The following C1orf21 variants were observed in gnomAD, a reference collection of about 807,000 sequenced individuals.
The protein encoded by C1orf21 is uncharacterized protein C1orf21.
In C1orf21, 3 loss-of-function variants were observed where a neutral mutation model predicts 18.7. That is an observed-to-expected ratio of 0.16 (90% CI 0.07 to 0.42). The LOEUF (loss-of-function observed/expected upper bound fraction) is 0.42, where lower values mean the gene tolerates loss of function less well. Among genes scored for constraint, C1orf21 ranks in the 10% least tolerant of loss-of-function variants. C1orf21 has a pLI of 0.99. For synonymous variants in C1orf21, 41 were observed against 46.4 expected (o/e 0.88, Z 0.47); for missense variants, 104 against 143.6 (o/e 0.72, Z 1.41).
intron 3 of C1orf21, among the ~76,000 whole-genome samples, chr1:184,589,279 G>A (rs12094070): frequency 6.6e-6 from 1 of 152,154 alleles, no homozygotes; most frequent in Non-Finnish European, 1.5e-5. Flanking sequence ...AGGAACTTAC[G>A]CCTTCAGTCC....
chr1:184,424,802 C>G (rs1162225394), intron 1 of C1orf21, among the ~76,000 whole-genome samples: 1 of 152,180 alleles, frequency 6.6e-6, no homozygotes, highest in Non-Finnish European at 1.5e-5. Flanking sequence ...CTGTCAACTT[C>G]AAAGTCAGTG....
chr1:184,605,239 A>G (rs1440929467), intron 5 of C1orf21, among the ~76,000 whole-genome samples: 2 of 152,024 alleles, frequency 1.3e-5, no homozygotes, highest in Admixed American at 6.5e-5. Context: ...GCAGTCATGG[A>G]TGTTGCTTCA....
At chr1:184,525,790 T>C (rs1658369302) in intron 3 of C1orf21, among the ~76,000 whole-genome samples, 1 of 152,178 alleles carries the variant, frequency 6.6e-6, no homozygotes, top group Non-Finnish European at 1.5e-5. Flanking sequence ...ACAGCAGGCT[T>C]TCTGCCAGAT....
At chr1:184,507,553 A>G in intron 2 of C1orf21, 35 bp from the exon 3 acceptor site, 1 of 1,549,096 alleles carries the variant, frequency 6.5e-7, no homozygotes. Context: ...TTGGGAAAAA[A>G]ATTATAAAAT....
At chr1:184,517,261 C>T (rs529887170) in intron 3 of C1orf21, among the ~76,000 whole-genome samples, 11 of 152,174 alleles carry the variant, frequency 7.2e-5, no homozygotes, top group African/African-American at 2.6e-4. Flanking sequence ...ATTTAGGAAC[C>T]CTCTACAAGT....
chr1:184,591,623 G>A (rs1027955297), intron 4 of C1orf21, among the ~76,000 whole-genome samples: 3 of 152,042 alleles, frequency 2.0e-5, no homozygotes, highest in East Asian at 1.9e-4. Flanking sequence ...TGGCTAACAC[G>A]ATGAAACCCC....
At chr1:184,493,448 T>C (rs1398930645) in intron 2 of C1orf21, among the ~76,000 whole-genome samples, 1 of 152,248 alleles carries the variant, frequency 6.6e-6, no homozygotes, top group East Asian at 1.9e-4. Context: ...ATTAATTCCT[T>C]CAAATTGCAA....
chr1:184,449,503 T>C (rs1223379818), intron 1 of C1orf21, among the ~76,000 whole-genome samples: 2 of 152,212 alleles, frequency 1.3e-5, no homozygotes, highest in Non-Finnish European at 2.9e-5. Context: ...AGTGCCGCAA[T>C]AAACATATAT....
intron 3 of C1orf21, chr1:184,567,793 A>C: frequency 4.1e-6 from 1 of 243,182 alleles, no homozygotes; most frequent in Non-Finnish European, 8.4e-6. Flanking sequence ...GCCATTTGAA[A>C]CTTCAAGGCC....
At chr1:184,480,448 G>A (rs780790160) in intron 2 of C1orf21, among the ~76,000 whole-genome samples, 4 of 152,134 alleles carry the variant, frequency 2.6e-5, no homozygotes, top group Non-Finnish European at 5.9e-5. Context: ...TCAATACGTT[G>A]TGCTTACATT....
chr1:184,514,517 G>A (rs1366982182), intron 3 of C1orf21, among the ~76,000 whole-genome samples: 1 of 152,030 alleles, frequency 6.6e-6, no homozygotes, highest in African/African-American at 2.4e-5. Context: ...ATCAGATTTT[G>A]GCCTGATTAC....
chr1:184,431,783 A>G (rs1388122747), intron 1 of C1orf21, among the ~76,000 whole-genome samples: 1 of 152,154 alleles, frequency 6.6e-6, no homozygotes, highest in Non-Finnish European at 1.5e-5. Context: ...GAAAAAAACA[A>G]ACAACCTCAT....
intron 3 of C1orf21, among the ~76,000 whole-genome samples, chr1:184,544,570 T>C (rs1393813629): frequency 1.3e-5 from 2 of 152,238 alleles, no homozygotes; most frequent in African/African-American, 4.8e-5. Flanking sequence ...TCTTTCAAAA[T>C]GTTTAATGCA....
chr1:184,573,400 T>A (rs1659142027), intron 3 of C1orf21, among the ~76,000 whole-genome samples: 1 of 152,204 alleles, frequency 6.6e-6, no homozygotes, highest in Non-Finnish European at 1.5e-5. Flanking sequence ...GTAACATTCC[T>A]ACGCGTGATG....
chr1:184,548,475 C>T (rs1390146319), intron 3 of C1orf21, among the ~76,000 whole-genome samples: 2 of 140,106 alleles, frequency 1.4e-5, no homozygotes, highest in Non-Finnish European at 3.0e-5. Flanking sequence ...AGTGCAGCGG[C>T]GCGATCTCCA....
chr1:184,585,451 G>T (rs891237577), intron 3 of C1orf21, among the ~76,000 whole-genome samples: 1 of 152,144 alleles, frequency 6.6e-6, no homozygotes, highest in Non-Finnish European at 1.5e-5. Flanking sequence ...AAATGTTGTG[G>T]CTTGTGTGCA....
intron 1 of C1orf21, among the ~76,000 whole-genome samples, chr1:184,471,348 G>A (rs1162014882): frequency 6.6e-6 from 1 of 152,142 alleles, no homozygotes; most frequent in African/African-American, 2.4e-5. Context: ...AGACCTTATA[G>A]GGCCTCCTGA....
chr1:184,442,235 G>C (rs1656959377), intron 1 of C1orf21, among the ~76,000 whole-genome samples: 1 of 152,136 alleles, frequency 6.6e-6, no homozygotes, highest in African/African-American at 2.4e-5. Flanking sequence ...AATTGTAGTT[G>C]TTCATAACAA....
At chr1:184,430,581 G>T (rs1656724044) in intron 1 of C1orf21, among the ~76,000 whole-genome samples, 1 of 152,072 alleles carries the variant, frequency 6.6e-6, no homozygotes, top group South Asian at 2.1e-4. Flanking sequence ...GAGTGCTTTT[G>T]GGGCTTAATT....
Sources: allele counts gnomAD v4.1 joint callset (sites outside exome capture counted in the v4.1 genomes callset), GRCh38; gene constraint gnomAD v4.1.1; transcripts MANE v1.5; gene names NCBI Gene and HGNC (gene_info 2026-07-23, HGNC 2026-07-21).